The following DNAH10 variants were observed in gnomAD, a reference collection of about 807,000 sequenced individuals.
The protein encoded by DNAH10 is dynein axonemal heavy chain 10, also known as axonemal beta dynein heavy chain 10.
Under a neutral mutation model 506.6 loss-of-function variants are expected in DNAH10, and 348 were observed. The ratio of observed to expected loss-of-function variants is 0.69; its 90% CI spans 0.63 to 0.75. The LOEUF is 0.75. Ranked by LOEUF, DNAH10 falls within the 30% of genes least tolerant of loss-of-function variation. DNAH10 has a pLI of 0.00. For missense variants in DNAH10, 5,179 were observed against 5,787.1 expected (o/e 0.89, Z 3.41); for synonymous variants, 2,059 against 2,198.6 (o/e 0.94, Z 1.78).
chr12:123,778,700 A>G (rs182405533), intron 5 of DNAH10, among the ~76,000 whole-genome samples: 1 of 152,106 alleles, frequency 6.6e-6, no homozygotes, highest in African/African-American at 2.4e-5. Context: ...CATCTCAAAA[A>G]AAAAAGAAAA....
chr12:123,813,506 C>A lies in DNAH10; in HGVS notation c.3487C>A (p.His1163Asn). ...GCGCCACCCTCTAATTAAGGATGAGCATTGCATCAGACTTCAGCTCAGGCA... is the reference window on the plus strand; with the variant it reads ...GCGCCACCCTCTAATTAAGGATGAGAATTGCATCAGACTTCAGCTCAGGCA... ...VMRHPLIKDE[H>N]CIRLQLRHLA... Residue 1163 changes from histidine to asparagine, a missense_variant, in exon 20 of 79, where the codon CAT (histidine) becomes AAT (asparagine). Transcript: ENST00000673944. 1 of 1,614,184 alleles carries A rather than the reference C, an allele frequency of 6.2e-7. No individual in the cohort carries two copies. Among genetic ancestry groups the A allele is most frequent in the Middle Eastern group, 1.6e-4 (1 of 6,062 alleles).
chr12:123,805,084 T>G, intron 18 of DNAH10, 44 bp downstream of exon 18: 1 of 1,593,756 alleles, frequency 6.3e-7, no homozygotes, highest in East Asian at 2.2e-5. Context: ...GTGTGTAGAT[T>G]AAAACAGTTG....
Position 123,934,639 on chromosome 12 carries a change from T to C in DNAH10, c.13496T>C (p.Leu4499Pro). 1.2e-6 allele frequency: 2 copies of C among 1,613,706 alleles called. No individual in the cohort carries two copies. The highest frequency in any genetic ancestry group is 1.7e-6 in the Non-Finnish European group (2 of 1,179,786). The change falls in exon 78 of 79, where the codon CTG becomes CCG. Residue 4499 changes from leucine (L) to proline (P), a missense_variant. By Grantham distance (98) the Leu-to-Pro change is moderately conservative (BLOSUM62 -3). This residue lies in a region of DNAH10 where 4,844 missense variants were observed against 5,430.5 expected (regional missense o/e 0.89). Transcript: ENST00000673944. ...TCCCTAGGATGCTTTGTCTCAGGAC[T>C]GTACCTGGAAGGTGCTGACTGGGAT... ...RAGQGCFVSG[L>P]YLEGADWDIE...
rs1353968577 is a variant in DNAH10 at position 123,879,642 on chromosome 12, G to A, written c.8475G>A (p.Gln2825=). The A allele has an allele frequency of 3.7e-6, 6 of 1,613,896 alleles. No individual in the cohort carries two copies. Among genetic ancestry groups the A allele is most frequent in the Non-Finnish European group, 5.1e-6 (6 of 1,179,890 alleles). ...ISETDKQLVQ[Q]HIGSLVVEHF... is the part of the protein sequence containing the mutation. ...TGGGCTTCTGTTTCAAGGTACAACA[G>A]CACATAGGCAGCTTGGTTGTGGAAC... Residue 2825 remains glutamine, a synonymous_variant, in exon 50 of 79, where the codon CAG becomes CAA. Transcript: ENST00000673944.
At chr12:123,770,190 G>A (rs972197324) in intron 2 of DNAH10, among the ~76,000 whole-genome samples, 9 of 152,014 alleles carry the variant, frequency 5.9e-5, no homozygotes, top group Non-Finnish European at 1.0e-4. Flanking sequence ...GGAGGTTGCA[G>A]TGAGCCAAGA....
chr12:123,884,589 G>A (rs1196596140), intron 51 of DNAH10, among the ~76,000 whole-genome samples: 33 of 152,100 alleles, frequency 2.2e-4, no homozygotes, highest in Admixed American at 2.2e-3. Flanking sequence ...CTTTTATAAG[G>A]GCACTAATCC....
intron 59 of DNAH10, 133 bp from the exon 60 acceptor site, chr12:123,912,965 C>A: frequency 1.2e-6 from 1 of 826,462 alleles, no homozygotes; most frequent in Non-Finnish European, 1.9e-6. Flanking sequence ...CGTGTCTCAA[C>A]ATAGCATATA....
At chr12:123,769,581 G>A (rs1957173634) in intron 2 of DNAH10, among the ~76,000 whole-genome samples, 2 of 152,218 alleles carry the variant, frequency 1.3e-5, no homozygotes, top group Non-Finnish European at 2.9e-5. Context: ...GTACATCCAT[G>A]AAGAGGACAG....
intron 26 of DNAH10, among the ~76,000 whole-genome samples, chr12:123,832,867 C>T (rs1262114473): frequency 1.3e-5 from 2 of 152,058 alleles, no homozygotes; most frequent in Non-Finnish European, 2.9e-5. Context: ...TAATCCCTAC[C>T]AATATACTTT....
At position 123,924,435 on chromosome 12, in the gene DNAH10, G is replaced by A. The variant is rs748793977; in HGVS notation, c.11766+3G>A. ...ATAATCAGACTGTCTGGCAGGAGGT[G>A]AGCCCACGTTCCCTTTCTCCTCCTC... On this transcript the variant is annotated splice_donor_region_variant and intron_variant, in intron 67 of 78. Transcript: ENST00000673944. 1 of 1,609,710 alleles carries A rather than the reference G, an allele frequency of 6.2e-7. No individual in the cohort carries two copies.
At chr12:123,772,684 C>T in intron 3 of DNAH10, 150 bp from the exon 4 acceptor site, 1 of 587,152 alleles carries the variant, frequency 1.7e-6, no homozygotes, top group East Asian at 3.1e-5. Flanking sequence ...CTGTGTTTGG[C>T]TGGTACCCAC....
chr12:123,915,781 G>C (rs937168690), intron 62 of DNAH10, among the ~76,000 whole-genome samples: 2 of 152,238 alleles, frequency 1.3e-5, no homozygotes, highest in African/African-American at 4.8e-5. Flanking sequence ...CTGAGGGACA[G>C]TTGGGTTGTC....
At position 123,918,904 on chromosome 12, in the gene DNAH10, A is replaced by G; in HGVS notation, c.11461A>G (p.Ile3821Val). 1 of 1,613,840 alleles carries G rather than the reference A, an allele frequency of 6.2e-7. No individual in the cohort carries two copies. Among genetic ancestry groups the G allele is most frequent in the Non-Finnish European group, 8.5e-7 (1 of 1,179,838 alleles). The change falls in exon 65 of 79, where the codon ATC becomes GTC. Residue 3821 changes from isoleucine to valine, a missense_variant. Physicochemically the swap from Ile to Val is conservative, Grantham distance 29. This residue lies in a region of DNAH10 where 4,844 missense variants were observed against 5,430.5 expected (regional missense o/e 0.89). Coordinates refer to ENST00000673944, the MANE Select transcript of DNAH10 (RefSeq NM_001372106.1). ...CATCCTCATGAAACGCCTGAGGAAC[A>G]TCATGGACACGCTGACCTTCAGCAT... ...DSILMKRLRNIMDTLTFSIYN... is the reference protein window; with the variant it reads ...DSILMKRLRNVMDTLTFSIYN...
rs1045917337 is a variant in DNAH10, at chr12:123,865,869, CTT to C, written c.7045-80_7045-79del. The stretch of plus-strand genomic sequence containing the variant: ...TTTGGATTTCATGCAGTTGTAAAAA[CTT>C]TCCATAAGAGAAGGTCCTTAAACAT... On this transcript the variant is annotated intron_variant, in intron 40 of 78. Coordinates refer to ENST00000673944, the MANE Select transcript of DNAH10 (RefSeq NM_001372106.1). The C allele has an allele frequency of 2.4e-5, 33 of 1,382,602 alleles. No homozygotes were observed. The African/African-American group carries it at 4.7e-4, about 20-fold the overall frequency. 85.6% of individuals were successfully genotyped at this position (1,382,602 alleles called of 1,614,324 possible).
intron 24 of DNAH10, 99 bp downstream of exon 24, chr12:123,820,857 T>C (rs548172350): frequency 3.5e-5 from 48 of 1,374,296 alleles, no homozygotes; most frequent in Admixed American, 6.0e-5. Flanking sequence ...ATAATGAGCT[T>C]GGGTCTGACG....
Position 123,780,024 on chromosome 12 carries a change from T to C in DNAH10, c.622-1056T>C, listed in dbSNP as rs2136013708. Among the ~76,000 whole-genome samples, 5 of 152,296 alleles carry C rather than the reference T, an allele frequency of 3.3e-5. 1 individual carries two copies. Among genetic ancestry groups the C allele is most frequent in the Admixed American group, 3.3e-4 (5 of 15,286 alleles). ...CTTCATAAATGCATGCTTCTCTCTC[T>C]AGCTACATTTTGAAGAAACTATGTC... On this transcript the variant is annotated intron_variant, in intron 5 of 78. Coordinates refer to ENST00000673944, the MANE Select transcript of DNAH10 (RefSeq NM_001372106.1).
intron 2 of DNAH10, among the ~76,000 whole-genome samples, chr12:123,768,468 A>G (rs1176706766): frequency 1.3e-5 from 2 of 152,082 alleles, no homozygotes; most frequent in African/African-American, 4.8e-5. Context: ...CACCAGTCAC[A>G]TTGGATTTTG....
intron 21 of DNAH10, 38 bp from the exon 22 acceptor site, chr12:123,818,912 A>T: frequency 7.1e-7 from 1 of 1,399,046 alleles, no homozygotes; most frequent in Non-Finnish European, 9.9e-7. Flanking sequence ...ATTGCTCATC[A>T]TTTGTTGTTT....
chr12:123,876,847 C>A (rs1476321655), intron 47 of DNAH10, among the ~76,000 whole-genome samples: 1 of 151,986 alleles, frequency 6.6e-6, no homozygotes, highest in Non-Finnish European at 1.5e-5. Context: ...GTAGTCCCAG[C>A]TACAAAGGAG....
Sources: gnomAD v4.1 joint callset for allele counts (sites outside exome capture counted in the v4.1 genomes callset) on GRCh38, gnomAD v4.1.1 for gene constraint, gnomAD v4.1.1 regional missense constraint, MANE v1.5 for transcripts, NCBI Gene and HGNC (gene_info 2026-07-23, HGNC 2026-07-21) for gene names.